Variants in MALRD1 observed in about 807,000 individuals in gnomAD.
The protein encoded by MALRD1 is MAM and LDL receptor class A domain containing 1, also known as MAM and LDL-receptor class A domain-containing protein 1.
A neutral mutation model predicts 242.1 loss-of-function variants in MALRD1; 247 were observed. The ratio of observed to expected loss-of-function variants is 1.02; its 90% CI spans 0.92 to 1.13. MALRD1 has a LOEUF of 1.13. Among genes scored for constraint, MALRD1 ranks in the 50% most tolerant of loss-of-function variants. MALRD1 has a pLI of 0.00. For synonymous variants in MALRD1, 995 were observed against 866.6 expected (o/e 1.15, Z -2.60); for missense variants, 2,989 against 2,533.1 (o/e 1.18, Z -3.86).
Position 19,127,580 on chromosome 10 carries a change from A to G in MALRD1, c.944-641A>G, listed in dbSNP as rs183930717. ...TTTTTGAAAATGAAGTTGTAAAATT[A>G]TAGAAATCTCTTTATAAATCTGTGT... On this transcript the variant is annotated intron_variant, in intron 7 of 39. Coordinates refer to ENST00000454679, the MANE Select transcript of MALRD1 (RefSeq NM_001142308.3). 1.4e-3 allele frequency among the ~76,000 whole-genome samples: 220 copies of G among 152,308 alleles called. 1 individual carries two copies. Among genetic ancestry groups the G allele is most frequent in the Admixed American group, 4.0e-3 (61 of 15,284 alleles).
At chr10:19,328,285 C>A (rs774901446) in intron 23 of MALRD1, among the ~76,000 whole-genome samples, 7 of 152,012 alleles carry the variant, frequency 4.6e-5, no homozygotes, top group African/African-American at 1.7e-4. Context: ...TATGGATTAC[C>A]AAGAAAGCAA....
chr10:19,204,417 A>G lies in MALRD1; in HGVS notation c.2210+4A>G. 1.3e-6 allele frequency: 2 copies of G among 1,530,266 alleles called. No homozygotes were observed. The allele number at this position is 1,530,266 out of a possible 1,614,324, so 94.8% of individuals were successfully genotyped here. ...CTGGATGCATACTTTCCTTCTGGTA[A>G]ATATTAAACAAATATTTAAACAATA... is the stretch of plus-strand genomic sequence containing the variant. On this transcript the variant is annotated splice_donor_region_variant and intron_variant, in intron 16 of 39. Transcript: ENST00000454679.
intron 28 of MALRD1, among the ~76,000 whole-genome samples, chr10:19,449,607 T>A (rs1450291008): frequency 6.6e-6 from 1 of 152,100 alleles, no homozygotes; most frequent in Non-Finnish European, 1.5e-5. Context: ...TCTCTAAAAA[T>A]TTTTTTGAGG....
At chr10:19,130,669 T>C (rs930407605) in intron 8 of MALRD1, among the ~76,000 whole-genome samples, 5 of 152,104 alleles carry the variant, frequency 3.3e-5, no homozygotes, top group Non-Finnish European at 7.4e-5. Context: ...ATTATGAATG[T>C]ATGTATTGTG....
chr10:19,445,232 T>C (rs1299738079), intron 28 of MALRD1, among the ~76,000 whole-genome samples: 1 of 152,216 alleles, frequency 6.6e-6, no homozygotes, highest in South Asian at 2.1e-4. Flanking sequence ...GGTTTTTAGC[T>C]TCTTTGCAAT....
At chr10:19,152,838 CA>C in intron 11 of MALRD1, among the ~76,000 whole-genome samples, 1 of 151,974 alleles carries the variant, frequency 6.6e-6, no homozygotes, top group South Asian at 2.1e-4. Context: ...CTACACTCAC[CA>C]GACCTTTAAG....
At chr10:19,537,529 G>C (rs915170064) in intron 32 of MALRD1, among the ~76,000 whole-genome samples, 10 of 152,092 alleles carry the variant, frequency 6.6e-5, no homozygotes, top group African/African-American at 2.2e-4. Context: ...TCTTTCTCCA[G>C]ATATTCACAA....
chr10:19,334,374 G>A (rs1843516423), intron 24 of MALRD1, among the ~76,000 whole-genome samples: 1 of 150,510 alleles, frequency 6.6e-6, no homozygotes, highest in South Asian at 2.1e-4. Flanking sequence ...TCATTCTCCT[G>A]CATATACCCT....
intron 11 of MALRD1, among the ~76,000 whole-genome samples, chr10:19,149,146 C>A (rs1417510387): frequency 6.7e-6 from 1 of 149,876 alleles, no homozygotes; most frequent in African/African-American, 2.5e-5. Context: ...GACAGAGTCT[C>A]ACTTAGTTGC....
At chr10:19,490,799 T>C (rs2131216480) in intron 29 of MALRD1, among the ~76,000 whole-genome samples, 1 of 152,342 alleles carries the variant, frequency 6.6e-6, no homozygotes, top group African/African-American at 2.4e-5. Context: ...TTGACTATTT[T>C]TTTATACGAG....
chr10:19,538,308 A>C (rs1445440162), intron 32 of MALRD1, among the ~76,000 whole-genome samples: 4 of 152,216 alleles, frequency 2.6e-5, no homozygotes, highest in Admixed American at 2.0e-4. Flanking sequence ...TCACATGGGC[A>C]TCAATATCCT....
chr10:19,392,235 G>T (rs886454166), intron 28 of MALRD1, among the ~76,000 whole-genome samples: 1 of 152,088 alleles, frequency 6.6e-6, no homozygotes, highest in African/African-American at 2.4e-5. Flanking sequence ...TACTAAAGGG[G>T]TAGAGGAGTC....
chr10:19,251,804 T>C (rs1839303220), intron 18 of MALRD1, among the ~76,000 whole-genome samples: 1 of 151,996 alleles, frequency 6.6e-6, no homozygotes, highest in Admixed American at 6.6e-5. Flanking sequence ...GGGGCAGGAC[T>C]GGTGAAAGTG....
intron 12 of MALRD1, 21 bp from the exon 13 acceptor site, chr10:19,165,616 T>TTGAAACATGATATATCATTGAAACA (rs1834656068): frequency 8.1e-7 from 1 of 1,229,140 alleles, no homozygotes; most frequent in Non-Finnish European, 1.0e-6. Context: ...ATTTATATCA[T>TTGAAACATGATATATCATTGAAACA]TGAAAACATG....
chr10:19,538,347 CA>C (rs1451074081), intron 32 of MALRD1, among the ~76,000 whole-genome samples: 1 of 152,120 alleles, frequency 6.6e-6, no homozygotes, highest in Non-Finnish European at 1.5e-5. Context: ...AATTAGAGAA[CA>C]ATGCTAATTT....
At position 19,326,927 on chromosome 10, in the gene MALRD1, A is replaced by G. The variant is rs572759049; in HGVS notation, c.3577-636A>G. Among the ~76,000 whole-genome samples, 112 of 152,234 alleles carry G rather than the reference A, an allele frequency of 7.4e-4. 1 individual carries two copies. Among genetic ancestry groups the G allele is most frequent in the African/African-American group, 2.7e-3 (111 of 41,566 alleles). On this transcript the variant is annotated intron_variant, in intron 22 of 39. Coordinates refer to ENST00000454679, the MANE Select transcript of MALRD1 (RefSeq NM_001142308.3). ...CCTTTGAGCCTTAGTTACTCTCTTCATGGCTCATTTTGTATCATTCTAAAA... is the reference window on the plus strand; with the variant it reads ...CCTTTGAGCCTTAGTTACTCTCTTCGTGGCTCATTTTGTATCATTCTAAAA...
At position 19,347,984 on chromosome 10, in the gene MALRD1, G is replaced by A; in HGVS notation, c.4115G>A (p.Ser1372Asn). The A allele has an allele frequency of 6.4e-7, 1 of 1,550,480 alleles. No homozygotes were observed. Among genetic ancestry groups the A allele is most frequent in the Non-Finnish European group, 8.7e-7 (1 of 1,146,856 alleles). Residue 1372 changes from serine (S) to asparagine (N), a missense_variant, in exon 25 of 40, where the codon AGT (serine) becomes AAT (asparagine). Physicochemically the swap from Ser to Asn is conservative, Grantham distance 46. Transcript: ENST00000454679. ...QQPMRAARIS[S>N]PVISKRSKNC... ...CCCATGAGAGCTGCCAGAATTTCAA[G>A]TCCAGTTATAAGTAAGAGAAGCAAA...
intron 26 of MALRD1, among the ~76,000 whole-genome samples, chr10:19,361,075 A>G (rs1253803112): frequency 1.3e-5 from 2 of 151,684 alleles, no homozygotes; most frequent in African/African-American, 4.8e-5. Flanking sequence ...CTCAACAGCC[A>G]TTCTCTTCTG....
chr10:19,579,042 C>T lies in MALRD1; in HGVS notation c.5680+11339C>T, dbSNP rs377703978. ...TTCTTTTATAAAATAATGATACAGT[C>T]GTATACAATACTCTAAAGTTTAGGT... On this transcript the variant is annotated intron_variant, in intron 33 of 39. Transcript: ENST00000454679. Among the ~76,000 whole-genome samples the T allele has an allele frequency of 5.3e-5, 8 of 152,122 alleles. No individual in the cohort carries two copies. In the East Asian group the frequency reaches 1.2e-3, roughly 22 times the overall value.
Sources: gnomAD v4.1 joint callset for allele counts (sites outside exome capture counted in the v4.1 genomes callset) on GRCh38, gnomAD v4.1.1 for gene constraint, MANE v1.5 for transcripts, NCBI Gene and HGNC (gene_info 2026-07-23, HGNC 2026-07-21) for gene names.